Variants in RAD52 observed in about 807,000 individuals in gnomAD.
RAD52 encodes RAD52 DNA repair protein, also known as DNA repair protein RAD52 homolog.
Under a neutral mutation model 55.5 loss-of-function variants are expected in RAD52, and 47 were observed. The observed-to-expected ratio is 0.85, with a 90% CI of 0.67 to 1.08. The LOEUF (loss-of-function observed/expected upper bound fraction) is 1.08, where lower values mean the gene tolerates loss of function less well. Among genes scored for constraint, RAD52 ranks in the 50% least tolerant of loss-of-function variants. RAD52 has a pLI of 0.00. For synonymous variants in RAD52, 184 were observed against 198.9 expected, an observed-to-expected ratio of 0.92 and a Z score of 0.63; for missense variants, 468 against 522.8, an observed-to-expected ratio of 0.90 and a Z score of 1.02.
At chr12:933,894 G>A (rs1957468776) in intron 1 of RAD52, among the ~76,000 whole-genome samples, 1 of 152,066 alleles carries the variant, frequency 6.6e-6, no homozygotes, top group South Asian at 2.1e-4. Context: ...GGCCAAGGCA[G>A]AAGGACTGCT....
intron 7 of RAD52, among the ~76,000 whole-genome samples, chr12:924,184 C>T (rs762614009): frequency 3.3e-5 from 5 of 152,112 alleles, no homozygotes; most frequent in Non-Finnish European, 7.4e-5. Context: ...CCGAGGCAGG[C>T]GAATCATGAG....
intron 1 of RAD52, among the ~76,000 whole-genome samples, chr12:964,735 G>A (rs1200308727): frequency 6.6e-6 from 1 of 151,858 alleles, no homozygotes; most frequent in Non-Finnish European, 1.5e-5. Context: ...CATGCACTAC[G>A]CCCAGCTAAT....
rs531948046 is a variant in RAD52 at position 965,748 on chromosome 12, C to T, written c.-19+24061G>A. On this transcript the variant is annotated intron_variant, in intron 1 of 11. Coordinates refer to the RAD52 transcript ENST00000430095. ...TTGCCTAGGCTGGAGTGCACTGTCT[C>T]GATCTCAGAACACTGCAACCTCCGC... Among the ~76,000 whole-genome samples, 7 of 151,838 alleles carry T rather than the reference C, an allele frequency of 4.6e-5. No homozygotes were observed. In the South Asian group the frequency reaches 6.2e-4, roughly 14 times the overall value.
At chr12:956,075 T>A (rs1188855449) in intron 1 of RAD52, among the ~76,000 whole-genome samples, 3 of 152,210 alleles carry the variant, frequency 2.0e-5, no homozygotes, top group Admixed American at 2.0e-4. Flanking sequence ...TGCCTGCTAC[T>A]CCCCTTCCTA....
chr12:916,587 C>G, intron 8 of RAD52, 52 bp downstream of exon 8: 1 of 1,596,986 alleles, frequency 6.3e-7, no homozygotes, highest in Non-Finnish European at 8.6e-7. Context: ...TGGAGGCAGC[C>G]CCGTGACACA....
intron 1 of RAD52, among the ~76,000 whole-genome samples, chr12:962,481 A>G (rs977150080): frequency 1.2e-4 from 18 of 150,840 alleles, no homozygotes; most frequent in African/African-American, 3.7e-4. Context: ...CTGGGACTAC[A>G]GGTGCCCGCC....
At position 987,916 on chromosome 12, in the gene RAD52, G is replaced by C. The variant is rs993032702; in HGVS notation, c.-19+1893C>G. 2.0e-5 allele frequency among the ~76,000 whole-genome samples: 3 copies of C among 152,074 alleles called. No homozygotes were observed. The South Asian group carries it at 6.2e-4, about 32-fold the overall frequency. ...GTCTCTTGCTCTGTCACCCAGACTG[G>C]GGTGCAGCTTCCTAAAGTGTTGGGA... On this transcript the variant is annotated intron_variant, in intron 1 of 11. Transcript: ENST00000430095.
chr12:984,114 A>C (rs190540316), intron 1 of RAD52, among the ~76,000 whole-genome samples: 1 of 152,064 alleles, frequency 6.6e-6, no homozygotes, highest in Non-Finnish European at 1.5e-5. Flanking sequence ...CTTCTTCCCA[A>C]ACGGAAACTC....
In RAD52 at chr12:913,910, A is replaced by G. The variant is rs2154107420; in HGVS notation, c.1179T>C (p.Ala393=). Reference sequence around the variant, plus strand: ...CTCTGCTACCTGTTGTGCGTTGGTCAGCGCTATAAGTTTGGAGGTCCCAAG... The same window carrying G: ...CTCTGCTACCTGTTGTGCGTTGGTCGGCGCTATAAGTTTGGAGGTCCCAAG... ...SGSWDLQTYS[A]DQRTTGNWES... Residue 393 remains alanine (A), a synonymous_variant, in exon 11 of 12, where the codon GCT becomes GCC. Coordinates refer to ENST00000358495, the MANE Select transcript of RAD52 (RefSeq NM_134424.4). The G allele has an allele frequency of 1.2e-6, 2 of 1,613,802 alleles. No individual in the cohort carries two copies. The highest frequency in any genetic ancestry group is 1.1e-5 in the South Asian group (1 of 91,070).
upstream of RAD52, among the ~76,000 whole-genome samples, chr12:950,222 A>G (rs1958489210): frequency 6.6e-6 from 1 of 152,190 alleles, no homozygotes; most frequent in Admixed American, 6.5e-5. Context: ...GCCTTCGGTT[A>G]GCGACGACCG....
chr12:926,960 A>G (rs747798812), intron 6 of RAD52, 185 bp downstream of exon 6: 24 of 1,549,988 alleles, frequency 1.5e-5, no homozygotes, highest in Non-Finnish European at 1.7e-5. Flanking sequence ...AAACAGAAAC[A>G]TTGAAAAAAT....
chr12:958,110 G>A (rs950163197), intron 1 of RAD52, among the ~76,000 whole-genome samples: 1 of 152,234 alleles, frequency 6.6e-6, no homozygotes, highest in Non-Finnish European at 1.5e-5. Flanking sequence ...GGAACATGGG[G>A]CTCCTCTCCA....
At position 948,649 on chromosome 12, in the gene RAD52, CTA is replaced by C. The variant is rs555306971; in HGVS notation, c.-19+951_-19+952del. Among the ~76,000 whole-genome samples the C allele has an allele frequency of 1.5e-4, 23 of 151,598 alleles. No individual in the cohort carries two copies. The South Asian group carries it at 4.6e-3, about 31-fold the overall frequency. On this transcript the variant is annotated intron_variant, in intron 1 of 11. Transcript: ENST00000358495. ...CTCCAGCCTGGGCAACAGAGCGAGA[CTA>C]TGTCTCCACTTTTTTTTAAAAAAGG...
At position 958,246 on chromosome 12, in the gene RAD52, G is replaced by A. The variant is rs886512768; in HGVS notation, c.-18-25170C>T. Reference sequence around the variant, plus strand: ...ATTTTATTTTTTGAGACAGGGTTTCGCTTTTGTCGCCCAGGCTGGAGTGCA... The same window carrying A: ...ATTTTATTTTTTGAGACAGGGTTTCACTTTTGTCGCCCAGGCTGGAGTGCA... On this transcript the variant is annotated intron_variant, in intron 1 of 11. Coordinates refer to the RAD52 transcript ENST00000430095. 2.6e-5 allele frequency among the ~76,000 whole-genome samples: 4 copies of A among 152,214 alleles called. No individual in the cohort carries two copies. The South Asian group carries it at 6.2e-4, about 24-fold the overall frequency.
At position 984,750 on chromosome 12, in the gene RAD52, C is replaced by T. The variant is rs902776906; in HGVS notation, c.-19+5059G>A. ...CGTGATCTCGGCTCACTGCAAGCTC[C>T]GCCTCCCGGCTTCACGCCATTCTCC... On this transcript the variant is annotated intron_variant, in intron 1 of 11. Coordinates refer to the RAD52 transcript ENST00000430095. 1.2e-4 allele frequency among the ~76,000 whole-genome samples: 18 copies of T among 152,062 alleles called. No individual in the cohort carries two copies. The South Asian group carries it at 1.5e-3, about 12-fold the overall frequency.
At chr12:945,458 G>A (rs1958165417) in intron 1 of RAD52, among the ~76,000 whole-genome samples, 2 of 150,892 alleles carry the variant, frequency 1.3e-5, no homozygotes, top group South Asian at 4.2e-4. Flanking sequence ...TTTTTTGAGG[G>A]GGAGACACTC....
rs71055103 is a variant in RAD52 at position 917,770 on chromosome 12, CAA to C, written c.544-952_544-951del. ...TAACAGCCTGTCTCTACTAAAAATA[CAA>C]AAAAAAAAAAAAAAAAATTAGCTGG... On this transcript the variant is annotated intron_variant, in intron 7 of 11. Transcript: ENST00000358495. Among the ~76,000 whole-genome samples, 702 of 107,344 alleles carry C rather than the reference CAA, an allele frequency of 6.5e-3. 5 individuals are homozygous for C. The highest frequency in any genetic ancestry group is 0.022 in the South Asian group (69 of 3,192). 70.4% of individuals were successfully genotyped at this position (107,344 alleles called of 152,430 possible).
At chr12:941,285 G>C (rs1397129290) in intron 1 of RAD52, among the ~76,000 whole-genome samples, 2 of 152,120 alleles carry the variant, frequency 1.3e-5, no homozygotes, top group African/African-American at 4.8e-5. Context: ...ATATGTATAA[G>C]ACTTCTGAAC....
chr12:963,138 C>T (rs1958710899), intron 1 of RAD52, among the ~76,000 whole-genome samples: 1 of 151,770 alleles, frequency 6.6e-6, no homozygotes, highest in South Asian at 2.1e-4. Context: ...GAAAAGTTTT[C>T]ATTTATTTAG....
Sources: allele counts gnomAD v4.1 joint callset (sites outside exome capture counted in the v4.1 genomes callset), GRCh38; gene constraint gnomAD v4.1.1; transcripts MANE v1.5; gene names NCBI Gene and HGNC (gene_info 2026-07-23, HGNC 2026-07-21).